Variants in PARP9 observed in about 807,000 individuals in gnomAD.
The protein encoded by PARP9 is poly(ADP-ribose) polymerase family member 9.
Under a neutral mutation model 68.8 loss-of-function variants are expected in PARP9, and 48 were observed. That is an observed-to-expected ratio of 0.70 (90% CI 0.55 to 0.89). The LOEUF is 0.89. PARP9 is among the 40% of genes least tolerant of loss of function. PARP9 has a pLI of 0.00. For synonymous variants in PARP9, 309 were observed against 333.8 expected (o/e 0.93, Z 0.81); for missense variants, 806 against 969.3 (o/e 0.83, Z 2.24).
Position 122,532,184 on chromosome 3 carries a change from T to C in PARP9, c.2081-3441A>G, listed in dbSNP as rs181065722. On this transcript the variant is annotated intron_variant, in intron 10 of 10. Coordinates refer to ENST00000682323, the MANE Select transcript of PARP9 (RefSeq NM_001146105.2). Reference sequence around the variant, plus strand: ...CACTACCCAAGACCCTGCATTCAGCTTGGAGGATGAACATGCTCAAAAATT... The same window carrying C: ...CACTACCCAAGACCCTGCATTCAGCCTGGAGGATGAACATGCTCAAAAATT... 4.5e-5 allele frequency: 44 copies of C among 985,238 alleles called. No individual in the cohort carries two copies. The East Asian group carries it at 4.4e-3, about 99-fold the overall frequency. 61.0% of individuals were successfully genotyped at this position (985,238 alleles called of 1,614,324 possible). A position where few individuals can be genotyped will look rare whatever the true frequency, so the allele number is the denominator to read the frequency against.
chr3:122,547,112 C>CTTTTTTTT (rs35670026), intron 6 of PARP9, among the ~76,000 whole-genome samples: 2 of 104,042 alleles, frequency 1.9e-5, no homozygotes, highest in African/African-American at 3.7e-5. Context: ...ATTTTTTTTT[C>CTTTTTTTT]TTTTTTTTTT....
At chr3:122,534,606 A>G (rs1468165691) in intron 10 of PARP9, 1 of 302,140 alleles carries the variant, frequency 3.3e-6, no homozygotes, top group Non-Finnish European at 4.9e-6. Context: ...CCTGCTGGGC[A>G]TGGTGGCTCA....
chr3:122,546,912 G>C (rs2078740874), intron 6 of PARP9, among the ~76,000 whole-genome samples: 1 of 145,140 alleles, frequency 6.9e-6, no homozygotes, highest in South Asian at 2.2e-4. Flanking sequence ...AGATTAAGGG[G>C]AGAAGGAGAT....
At position 122,528,259 on chromosome 3, in the gene PARP9, A is replaced by T. The variant is rs2077069864; in HGVS notation, c.*105T>A. 4 of 1,401,484 alleles carry T rather than the reference A, an allele frequency of 2.9e-6. No individual in the cohort carries two copies. In the East Asian group the frequency reaches 9.2e-5, roughly 32 times the overall value. 86.8% of individuals were successfully genotyped at this position (1,401,484 alleles called of 1,614,324 possible). On this transcript the variant is annotated 3_prime_UTR_variant, in exon 11 of 11. Transcript: ENST00000682323. ...TCAATAACCCAGTCAGTCCATACAG[A>T]TAACCCATGGGATATATTCAAGCCA...
chr3:122,549,016 C>CT (rs1388787302), intron 6 of PARP9, among the ~76,000 whole-genome samples: 8 of 135,638 alleles, frequency 5.9e-5, no homozygotes, highest in African/African-American at 1.3e-4. Flanking sequence ...GGTATTAACT[C>CT]ATTTTTTTTT....
intron 10 of PARP9, among the ~76,000 whole-genome samples, chr3:122,531,015 C>T (rs2077269875): frequency 6.6e-6 from 1 of 152,084 alleles, no homozygotes; most frequent in Admixed American, 6.5e-5. Context: ...TTTATTTAAG[C>T]CATTCAAGAT....
At chr3:122,562,912 C>T (rs2080362384) in intron 1 of PARP9, among the ~76,000 whole-genome samples, 1 of 152,172 alleles carries the variant, frequency 6.6e-6, no homozygotes, top group South Asian at 2.1e-4. Context: ...TCTTTGTACA[C>T]AGGTCACTTC....
chr3:122,549,784 A>T (rs1031004883), intron 6 of PARP9, among the ~76,000 whole-genome samples: 8 of 147,946 alleles, frequency 5.4e-5, no homozygotes, highest in Middle Eastern at 3.5e-3. Flanking sequence ...ACATCTGTTT[A>T]AAAAAAAAAA....
At chr3:122,547,399 A>G (rs2078847258) in intron 6 of PARP9, among the ~76,000 whole-genome samples, 2 of 151,822 alleles carry the variant, frequency 1.3e-5, no homozygotes. Flanking sequence ...CCGGCCCCCT[A>G]CGGCACTATT....
rs139079812 is a variant in PARP9 at position 122,552,568 on chromosome 3, T to C, written c.957A>G (p.Gln319=). Residue 319 remains glutamine, a synonymous_variant, in exon 5 of 11, where the codon CAA becomes CAG. Transcript: ENST00000682323. ...CCGATTTCATTTCAACTCCTGCTTG[T>C]TGTAGAATTGACTTTGCCACAGGTC... The part of the protein sequence containing the change: ...TVGPVAKSIL[Q]QAGVEMKSEF... 66 of 1,614,118 alleles carry C rather than the reference T, an allele frequency of 4.1e-5. No homozygotes were observed. The African/African-American group carries it at 7.3e-4, about 18-fold the overall frequency.
intron 4 of PARP9, among the ~76,000 whole-genome samples, chr3:122,554,658 C>T (rs1219189392): frequency 6.6e-6 from 1 of 152,174 alleles, no homozygotes; most frequent in Admixed American, 6.5e-5. Context: ...AAGTAACTTG[C>T]TTTGGGTTAC....
intron 10 of PARP9, 76 bp from the exon 11 acceptor site, chr3:122,528,819 T>C: frequency 7.6e-6 from 10 of 1,307,538 alleles, no homozygotes; most frequent in Non-Finnish European, 1.0e-5. Flanking sequence ...TACTAATATC[T>C]ATTCTTTCTT....
At position 122,550,706 on chromosome 3, in the gene PARP9, T is replaced by C. The variant is rs2079131156; in HGVS notation, c.1204A>G (p.Ile402Val). The change falls in exon 6 of 11, where the codon ATA becomes GTA. Residue 402 changes from isoleucine (I) to valine (V), a missense_variant. Physicochemically the swap from Ile to Val is conservative, Grantham distance 29. This residue lies in a region of PARP9 where 680 missense variants were observed against 858.8 expected (regional missense o/e 0.79). Coordinates refer to ENST00000682323, the MANE Select transcript of PARP9 (RefSeq NM_001146105.2). The part of the protein sequence containing the change: ...FPALGTGNME[I>V]KKETAAEILF... ...ATCTCTGCTGCTGTTTCCTTCTTTA[T>C]TTCCATGTTTCCAGTCCCAAGGGCA... is the stretch of plus-strand genomic sequence containing the variant. 3.7e-6 allele frequency: 6 copies of C among 1,614,064 alleles called. No homozygotes were observed. The South Asian group carries it at 4.4e-5, about 12-fold the overall frequency.
intron 10 of PARP9, chr3:122,531,639 A>G (rs1576372689): frequency 6.6e-6 from 1 of 151,584 alleles, no homozygotes; most frequent in African/African-American, 2.4e-5. Flanking sequence ...TTACAAGTAC[A>G]TATATATATA....
At chr3:122,537,108 G>T (rs751608906) in intron 8 of PARP9, 35 bp from the exon 9 acceptor site, 3 of 1,564,252 alleles carry the variant, frequency 1.9e-6, no homozygotes, top group South Asian at 2.4e-5. Flanking sequence ...TTACTTCAAT[G>T]CTCTGAGAGA....
intron 1 of PARP9, among the ~76,000 whole-genome samples, chr3:122,562,785 T>C (rs1576452964): frequency 1.3e-5 from 2 of 152,346 alleles, no homozygotes; most frequent in Admixed American, 1.3e-4. Flanking sequence ...TTTTTCCTAC[T>C]GCCCATTGTA....
intron 1 of PARP9, among the ~76,000 whole-genome samples, chr3:122,560,560 G>A (rs1055441089): frequency 6.6e-6 from 1 of 152,080 alleles, no homozygotes; most frequent in Non-Finnish European, 1.5e-5. Context: ...CTAATTTTTT[G>A]TATTTTTAGT....
chr3:122,536,954 A>G lies in PARP9; in HGVS notation c.1885T>C (p.Cys629Arg). ...LLDQKKQFEKCGLQVLKVEKI... is the reference protein window; with the variant it reads ...LLDQKKQFEKRGLQVLKVEKI... ...TATACCTTTAGAACCTGCAAACCAC[A>G]TTTTTCAAACTGTTTCTTTTGATCT... Residue 629 changes from cysteine (C) to arginine (R), a missense_variant, in exon 9 of 11, where the codon TGT (cysteine) becomes CGT (arginine). By Grantham distance (180) the Cys-to-Arg change is radical. Around this residue, in one of 2 missense-constraint regions of PARP9, gnomAD observed 680 missense variants for 858.8 expected, o/e 0.79. Transcript: ENST00000682323. The G allele has an allele frequency of 6.2e-7, 1 of 1,612,766 alleles. No individual in the cohort carries two copies. The highest frequency in any genetic ancestry group is 8.5e-7 in the Non-Finnish European group (1 of 1,179,634).
intron 9 of PARP9, 102 bp from the exon 10 acceptor site, chr3:122,536,444 C>T: frequency 6.7e-7 from 1 of 1,493,934 alleles, no homozygotes; most frequent in East Asian, 2.3e-5. Flanking sequence ...GTGCATAATA[C>T]TACTTTGCAT....
Sources: allele counts gnomAD v4.1 joint callset (sites outside exome capture counted in the v4.1 genomes callset), GRCh38; gene constraint gnomAD v4.1.1; regional missense constraint gnomAD v4.1.1; transcripts MANE v1.5; gene names NCBI Gene and HGNC (gene_info 2026-07-23, HGNC 2026-07-21).